Variants in RTRAF observed in about 807,000 individuals in gnomAD.
RTRAF encodes the protein tRNA-splicing ligase complex subunit RTRAF.
A neutral mutation model predicts 34.4 loss-of-function variants in RTRAF; 14 were observed. The ratio of observed to expected loss-of-function variants is 0.41; its 90% CI spans 0.27 to 0.64. RTRAF has a LOEUF of 0.64. RTRAF is among the 30% of genes least tolerant of loss of function. RTRAF has a pLI of 0.34. For synonymous variants in RTRAF, 96 were observed against 95.3 expected, an observed-to-expected ratio of 1.01 and a Z score of -0.04; for missense variants, 291 against 288.4, an observed-to-expected ratio of 1.01 and a Z score of -0.06.
rs1353702504 is a variant in RTRAF at position 52,007,209 on chromosome 14, A to C, written c.*2693A>C. 1 of 154,130 alleles carries C rather than the reference A, an allele frequency of 6.5e-6. No individual in the cohort carries two copies. The highest frequency in any genetic ancestry group is 2.4e-5 in the African/African-American group (1 of 41,470). The allele number at this position is 154,130 out of a possible 1,614,324, so 9.5% of individuals were successfully genotyped here. ...TCTCATGGAGCCGATTTAAATTTCA[A>C]ATCCTTTTAAGAAATGTAACTTGTT... On this transcript the variant is annotated 3_prime_UTR_variant, in exon 8 of 8. Transcript: ENST00000261700.
intron 5 of RTRAF, among the ~76,000 whole-genome samples, chr14:52,000,302 G>C (rs893805278): frequency 6.6e-6 from 1 of 152,072 alleles, no homozygotes; most frequent in African/African-American, 2.4e-5. Flanking sequence ...TTTGAGAAAT[G>C]AATCTTTCTG....
chr14:51,995,938 T>C (rs1890514987), intron 3 of RTRAF, among the ~76,000 whole-genome samples: 1 of 152,188 alleles, frequency 6.6e-6, no homozygotes, highest in South Asian at 2.1e-4. Context: ...TGGTAGGAAT[T>C]GTATATGAGC....
In RTRAF at chr14:52,007,768, G is replaced by A. The variant is rs1890847084; in HGVS notation, c.*3252G>A. ...AAATCTGTTAGTGCTCACATTCACT[G>A]TGATGAGAGGTTATCTATTTGCATT... On this transcript the variant is annotated 3_prime_UTR_variant, in exon 8 of 8. Coordinates refer to ENST00000261700, the MANE Select transcript of RTRAF (RefSeq NM_016039.3). The A allele has an allele frequency of 2.0e-6, 3 of 1,534,534 alleles. No individual in the cohort carries two copies. The highest frequency in any genetic ancestry group is 2.7e-6 in the Non-Finnish European group (3 of 1,115,482).
rs1023728799 is a variant in RTRAF at position 51,993,947 on chromosome 14, C to T, written c.286+125C>T. 5.3e-6 allele frequency: 3 copies of T among 560,814 alleles called. No individual in the cohort carries two copies. In the African/African-American group the frequency reaches 5.9e-5, roughly 11 times the overall value. 34.7% of individuals were successfully genotyped at this position (560,814 alleles called of 1,614,324 possible). A position where few individuals can be genotyped will look rare whatever the true frequency, so the allele number is the denominator to read the frequency against. On this transcript the variant is annotated intron_variant, in intron 3 of 7. Coordinates refer to ENST00000261700, the MANE Select transcript of RTRAF (RefSeq NM_016039.3). ...TTTTACCTTTGGTTTATTCTTATCACAAGTTAAAAGCACTTTTATTGTCTT... is the reference window on the plus strand; with the variant it reads ...TTTTACCTTTGGTTTATTCTTATCATAAGTTAAAAGCACTTTTATTGTCTT...
chr14:52,006,099 C>A lies in RTRAF; in HGVS notation c.*1583C>A. 2 of 490,588 alleles carry A rather than the reference C, an allele frequency of 4.1e-6. No individual in the cohort carries two copies. The highest frequency in any genetic ancestry group is 3.7e-6 in the Non-Finnish European group (1 of 268,278). 30.4% of individuals were successfully genotyped at this position (490,588 alleles called of 1,614,324 possible). On this transcript the variant is annotated 3_prime_UTR_variant, in exon 8 of 8. Transcript: ENST00000261700. Reference sequence around the variant, plus strand: ...TAGGGCATGGTGTAAAGGGCTTAGACTTTAATGTTCCACAGTTCCTCATTT... The same window carrying A: ...TAGGGCATGGTGTAAAGGGCTTAGAATTTAATGTTCCACAGTTCCTCATTT...
rs186634599 is a variant in RTRAF, at chr14:52,006,155, C to T, written c.*1639C>T. 136 of 408,818 alleles carry T rather than the reference C, an allele frequency of 3.3e-4. No individual in the cohort carries two copies. The highest frequency in any genetic ancestry group is 2.4e-3 in the African/African-American group (122 of 49,890). The allele number at this position is 408,818 out of a possible 1,614,324, so 25.3% of individuals were successfully genotyped here. A position where few individuals can be genotyped will look rare whatever the true frequency, so the allele number is the denominator to read the frequency against. On this transcript the variant is annotated 3_prime_UTR_variant, in exon 8 of 8. Transcript: ENST00000261700. ...CTAGTCTAAATAGTATTTTTCGGTC[C>T]CTCAGACAATATGTCCACAGTGTCA...
intron 3 of RTRAF, chr14:51,998,252 G>A (rs1890550517): frequency 2.8e-6 from 1 of 353,798 alleles, no homozygotes; most frequent in African/African-American, 2.1e-5. Context: ...ATGTGTATAA[G>A]TTGTACATTG....
Position 52,004,218 on chromosome 14 carries a change from C to G in RTRAF, c.556C>G (p.His186Asp). 1 of 1,613,352 alleles carries G rather than the reference C, an allele frequency of 6.2e-7. No homozygotes were observed. Among genetic ancestry groups the G allele is most frequent in the African/African-American group, 1.3e-5 (1 of 75,008 alleles). The change falls in exon 7 of 8, where the codon CAT becomes GAT. Residue 186 changes from histidine (H) to aspartate (D), a missense_variant. Physicochemically the swap from His to Asp is moderately conservative, Grantham distance 81. Coordinates refer to ENST00000261700, the MANE Select transcript of RTRAF (RefSeq NM_016039.3). ...KEGLPVALDK[H>D]ILGFDTGDAV... ...GGGCTTACCTGTTGCTTTAGACAAA[C>G]ATATTCTTGGTTTTGACACAGGAGG...
In RTRAF at chr14:52,007,676, T is replaced by C. The variant is rs1415698554; in HGVS notation, c.*3160T>C. ...AGACTCATTTACTAGTACTTAAATT[T>C]ACTAGTACTTAAAAGTTTACAGACC... On this transcript the variant is annotated 3_prime_UTR_variant, in exon 8 of 8. Transcript: ENST00000261700. 6 of 810,110 alleles carry C rather than the reference T, an allele frequency of 7.4e-6. No individual in the cohort carries two copies. The highest frequency in any genetic ancestry group is 8.1e-6 in the Non-Finnish European group (4 of 494,698). The allele number at this position is 810,110 out of a possible 1,614,324, so 50.2% of individuals were successfully genotyped here.
chr14:51,998,649 A>T, intron 4 of RTRAF, 69 bp downstream of exon 4: 1 of 997,236 alleles, frequency 1.0e-6, no homozygotes. Context: ...TTCTTTGAAG[A>T]ATGAAGTCCA....
chr14:51,990,015 T>A (rs1333287978), intron 1 of RTRAF, among the ~76,000 whole-genome samples: 1 of 152,200 alleles, frequency 6.6e-6, no homozygotes, highest in East Asian at 1.9e-4. Flanking sequence ...ACTCCATGGT[T>A]CCCTGGGTAA....
Position 51,990,482 on chromosome 14 carries a change from C to T in RTRAF, c.61+782C>T, listed in dbSNP as rs552133617. Among the ~76,000 whole-genome samples the T allele has an allele frequency of 7.2e-5, 11 of 152,292 alleles. No homozygotes were observed. The East Asian group carries it at 1.7e-3, about 24-fold the overall frequency. Reference sequence around the variant, plus strand: ...GTGATACTCAGACCACTGTGTAATTCTCAAGACCTTATAATGGAAGCTTGA... The same window carrying T: ...GTGATACTCAGACCACTGTGTAATTTTCAAGACCTTATAATGGAAGCTTGA... On this transcript the variant is annotated intron_variant, in intron 1 of 7. Coordinates refer to ENST00000261700, the MANE Select transcript of RTRAF (RefSeq NM_016039.3).
At chr14:51,991,923 T>C (rs1211525604) in intron 2 of RTRAF, among the ~76,000 whole-genome samples, 2 of 152,166 alleles carry the variant, frequency 1.3e-5, no homozygotes, top group African/African-American at 4.8e-5. Flanking sequence ...GAAAGTTATC[T>C]GGGTGTGCTG....
At position 52,010,430 on chromosome 14, in the gene RTRAF, G is replaced by GC. The variant is rs1305601424; in HGVS notation, c.*5916dup. ...TGATTTCTGCTACAGCAACACTGAAGCCAGAGGTGTCTGAGCTTTGGCTAA... is the reference window on the plus strand; with the variant it reads ...TGATTTCTGCTACAGCAACACTGAAGCCCAGAGGTGTCTGAGCTTTGGCTAA... On this transcript the variant is annotated 3_prime_UTR_variant, in exon 8 of 8. Transcript: ENST00000261700. 1 of 155,990 alleles carries GC rather than the reference G, an allele frequency of 6.4e-6. No homozygotes were observed. The highest frequency in any genetic ancestry group is 2.4e-5 in the African/African-American group (1 of 41,526). The allele number at this position is 155,990 out of a possible 1,614,324, so 9.7% of individuals were successfully genotyped here.
chr14:51,998,415 A>G (rs1890553592), intron 3 of RTRAF, 79 bp from the exon 4 acceptor site: 1 of 731,144 alleles, frequency 1.4e-6, no homozygotes, highest in Non-Finnish European at 2.2e-6. Flanking sequence ...ATTTTGGCTC[A>G]GTTAAATTTG....
chr14:51,990,085 A>G (rs1490084845), intron 1 of RTRAF, among the ~76,000 whole-genome samples: 3 of 152,186 alleles, frequency 2.0e-5, no homozygotes, highest in South Asian at 4.1e-4. Context: ...ATTCTGAGGA[A>G]GGTGCTGAGT....
rs769625281 is a variant in RTRAF at position 52,006,578 on chromosome 14, G to T, written c.*2062G>T. On this transcript the variant is annotated 3_prime_UTR_variant, in exon 8 of 8. Coordinates refer to ENST00000261700, the MANE Select transcript of RTRAF (RefSeq NM_016039.3). ...GGTAGAAGTGATCTGCATAGCTTAC[G>T]ATGCTGAAGGGGTACTTGAGGTTGT... The T allele has an allele frequency of 6.2e-7, 1 of 1,613,814 alleles. No homozygotes were observed. Among genetic ancestry groups the T allele is most frequent in the South Asian group, 1.1e-5 (1 of 91,068 alleles).
chr14:51,994,110 G>A (rs1279517074), intron 3 of RTRAF, among the ~76,000 whole-genome samples: 1 of 152,140 alleles, frequency 6.6e-6, no homozygotes, highest in Non-Finnish European at 1.5e-5. Flanking sequence ...ATTGTTTTTA[G>A]TGTCCCAGAA....
At position 52,005,496 on chromosome 14, in the gene RTRAF, C is replaced by T; in HGVS notation, c.*980C>T. 1 of 1,598,450 alleles carries T rather than the reference C, an allele frequency of 6.3e-7. No individual in the cohort carries two copies. The highest frequency in any genetic ancestry group is 8.5e-7 in the Non-Finnish European group (1 of 1,174,168). On this transcript the variant is annotated 3_prime_UTR_variant, in exon 8 of 8. Transcript: ENST00000261700. ...TTTACATTACTGTACTTACTTTCTTCCTGTGAGAGAAGAGCAGGGGTGGGA... is the reference window on the plus strand; with the variant it reads ...TTTACATTACTGTACTTACTTTCTTTCTGTGAGAGAAGAGCAGGGGTGGGA...
Sources: gnomAD v4.1 joint callset for allele counts (sites outside exome capture counted in the v4.1 genomes callset) on GRCh38, gnomAD v4.1.1 for gene constraint, MANE v1.5 for transcripts, NCBI Gene and HGNC (gene_info 2026-07-23, HGNC 2026-07-21) for gene names.